AGBL4: variants seen among roughly 807,000 people sequenced by gnomAD.
The protein encoded by AGBL4 is AGBL carboxypeptidase 4.
Under a neutral mutation model 66.4 loss-of-function variants are expected in AGBL4, and 58 were observed. The observed-to-expected ratio is 0.87, with a 90% confidence interval of 0.71 to 1.09. The LOEUF (loss-of-function observed/expected upper bound fraction) is 1.09, where lower values mean the gene tolerates loss of function less well. Among genes scored for constraint, AGBL4 ranks in the 50% least tolerant of loss-of-function variants. The pLI is 0.00. For synonymous variants in AGBL4, 234 were observed against 222.9 expected (o/e 1.05, Z -0.44); for missense variants, 579 against 631.0 (o/e 0.92, Z 0.88).
At chr1:49,620,472 A>C (rs1433397403) in intron 3 of AGBL4, among the ~76,000 whole-genome samples, 1 of 152,142 alleles carries the variant, frequency 6.6e-6, no homozygotes, top group Non-Finnish European at 1.5e-5. Context: ...GAAATAACAG[A>C]TGCTAGAGGG....
At chr1:48,569,199 A>G (rs1644522144) in intron 11 of AGBL4, among the ~76,000 whole-genome samples, 1 of 152,196 alleles carries the variant, frequency 6.6e-6, no homozygotes, top group African/African-American at 2.4e-5. Context: ...CCCATCATCC[A>G]TACTTGTGGT....
chr1:48,713,529 A>G (rs1223558494), intron 6 of AGBL4, among the ~76,000 whole-genome samples: 1 of 152,126 alleles, frequency 6.6e-6, no homozygotes, highest in East Asian at 1.9e-4. Context: ...TCACAGGATG[A>G]AGGGTATGGT....
intron 5 of AGBL4, among the ~76,000 whole-genome samples, chr1:48,931,903 C>T (rs1182731196): frequency 1.3e-5 from 2 of 152,076 alleles, no homozygotes; most frequent in Non-Finnish European, 2.9e-5. Flanking sequence ...ATGTGGTTAC[C>T]TTCCTTTCCT....
chr1:49,921,006 C>T (rs566665379), intron 1 of AGBL4, among the ~76,000 whole-genome samples: 7 of 152,202 alleles, frequency 4.6e-5, no homozygotes, highest in East Asian at 1.9e-4. Flanking sequence ...AACCGAACAC[C>T]GCACGTTCTC....
At chr1:48,738,044 C>T (rs955510300) in intron 6 of AGBL4, among the ~76,000 whole-genome samples, 1 of 152,112 alleles carries the variant, frequency 6.6e-6, no homozygotes, top group Admixed American at 6.5e-5. Flanking sequence ...TAATGGCAGA[C>T]CAGCAAGATC....
At chr1:49,445,534 G>C (rs1275604478) in intron 3 of AGBL4, among the ~76,000 whole-genome samples, 1 of 151,910 alleles carries the variant, frequency 6.6e-6, no homozygotes, top group Non-Finnish European at 1.5e-5. Flanking sequence ...TCCTCATTTT[G>C]TTTTATTTTT....
At chr1:49,349,217 T>C (rs915199121) in intron 3 of AGBL4, among the ~76,000 whole-genome samples, 1 of 152,340 alleles carries the variant, frequency 6.6e-6, no homozygotes. Flanking sequence ...ATTTCCCATA[T>C]ATTTAGAACT....
chr1:49,137,951 T>C (rs1395765014), intron 4 of AGBL4, among the ~76,000 whole-genome samples: 2 of 152,056 alleles, frequency 1.3e-5, no homozygotes, highest in Non-Finnish European at 2.9e-5. Context: ...AAATGACATT[T>C]GAGCAGAAGC....
chr1:48,672,793 G>C (rs1265596496), intron 6 of AGBL4, among the ~76,000 whole-genome samples: 1 of 152,222 alleles, frequency 6.6e-6, no homozygotes, highest in Non-Finnish European at 1.5e-5. Context: ...CTAAATTGGG[G>C]AGTGGAGGAG....
chr1:48,571,200 A>G (rs1644558077), intron 11 of AGBL4, among the ~76,000 whole-genome samples: 1 of 152,226 alleles, frequency 6.6e-6, no homozygotes, highest in African/African-American at 2.4e-5. Flanking sequence ...TAACTTGCCC[A>G]AAGTCACACA....
rs56655236 is a variant in AGBL4, at chr1:48,604,131, TCAAAA to T, written c.952-13151_952-13147del. ...CTGGGCTACGGAGCGAGACTTCATC[TCAAAA>T]CAAAACAAAACAAAACAAAACAAAA... On this transcript the variant is annotated intron_variant, in intron 9 of 13. Coordinates refer to ENST00000371839, the MANE Select transcript of AGBL4 (RefSeq NM_032785.4). Among the ~76,000 whole-genome samples the T allele has an allele frequency of 7.9e-3, 1,192 of 150,498 alleles. 14 individuals carry two copies. Among genetic ancestry groups the T allele is most frequent in the African/African-American group, 0.024 (974 of 40,682 alleles).
chr1:49,207,537 CTTTCT>C (rs1192881547), intron 4 of AGBL4, among the ~76,000 whole-genome samples: 26 of 117,128 alleles, frequency 2.2e-4, no homozygotes, highest in East Asian at 9.9e-4. Flanking sequence ...CTTTCTTTTT[CTTTCT>C]TTTCTTTCTT....
intron 3 of AGBL4, among the ~76,000 whole-genome samples, chr1:49,667,789 A>T (rs750560948): frequency 6.6e-6 from 1 of 152,184 alleles, no homozygotes; most frequent in Non-Finnish European, 1.5e-5. Flanking sequence ...CAACTGCAAG[A>T]TGGAGTTTTA....
At chr1:49,418,432 G>A (rs1645475226) in intron 3 of AGBL4, among the ~76,000 whole-genome samples, 1 of 152,144 alleles carries the variant, frequency 6.6e-6, no homozygotes, top group Non-Finnish European at 1.5e-5. Flanking sequence ...GGAGTTCGTA[G>A]TCTAATAGAA....
chr1:48,897,986 T>C (rs55807771), intron 5 of AGBL4, among the ~76,000 whole-genome samples: 74,349 of 151,558 alleles, frequency 0.49, 21,667 homozygotes, highest in Non-Finnish European at 0.67. Context: ...ATTTTTTTTG[T>C]ATTTTTAGTA....
At chr1:49,650,782 C>T (rs1645987739) in intron 3 of AGBL4, among the ~76,000 whole-genome samples, 1 of 152,162 alleles carries the variant, frequency 6.6e-6, no homozygotes, top group Non-Finnish European at 1.5e-5. Flanking sequence ...TGAACGCAGT[C>T]CCTATCTGTG....
intron 3 of AGBL4, among the ~76,000 whole-genome samples, chr1:49,301,229 T>C (rs1644739425): frequency 6.6e-6 from 1 of 152,196 alleles, no homozygotes; most frequent in Admixed American, 6.5e-5. Flanking sequence ...TTAGACCCTC[T>C]ACTGATTCCT....
At chr1:48,989,996 C>CA (rs1660483626) in intron 5 of AGBL4, among the ~76,000 whole-genome samples, 1 of 152,128 alleles carries the variant, frequency 6.6e-6, no homozygotes, top group Non-Finnish European at 1.5e-5. Flanking sequence ...ACATTCCCAC[C>CA]AACAGTGTTT....
chr1:49,173,481 C>T (rs1254223220), intron 4 of AGBL4, among the ~76,000 whole-genome samples: 1 of 152,128 alleles, frequency 6.6e-6, no homozygotes, highest in Non-Finnish European at 1.5e-5. Context: ...AGGACTTTGC[C>T]ATTGTATATT....
Sources: allele counts gnomAD v4.1 joint callset (sites outside exome capture counted in the v4.1 genomes callset), GRCh38; gene constraint gnomAD v4.1.1; transcripts MANE v1.5; gene names NCBI Gene and HGNC (gene_info 2026-07-23, HGNC 2026-07-21).